CSMD1: variants seen among roughly 807,000 people sequenced by gnomAD.
The protein encoded by CSMD1 is CUB and Sushi multiple domains 1.
A neutral mutation model predicts 417.5 loss-of-function variants in CSMD1; 213 were observed. The ratio of observed to expected loss-of-function variants is 0.51; its 90% CI spans 0.46 to 0.57. The LOEUF (loss-of-function observed/expected upper bound fraction) is 0.57, where lower values mean the gene tolerates loss of function less well. Ranked by LOEUF, CSMD1 falls within the 20% of genes least tolerant of loss-of-function variation. The pLI, the probability that CSMD1 is intolerant of heterozygous loss-of-function variation, is 0.00. For missense variants in CSMD1, 6,923 were observed against 4,529.7 expected, an observed-to-expected ratio of 1.53 and a Z score of -15.17; for synonymous variants, 2,862 against 1,736.8, an observed-to-expected ratio of 1.65 and a Z score of -16.11.
intron 5 of CSMD1, among the ~76,000 whole-genome samples, chr8:3,933,094 T>C (rs1476861292): frequency 1.3e-5 from 2 of 149,842 alleles, no homozygotes; most frequent in African/African-American, 2.5e-5. Context: ...AACAACATTA[T>C]TTTCCTCTTT....
At chr8:4,437,298 A>G (rs960852045) in intron 2 of CSMD1, among the ~76,000 whole-genome samples, 2 of 152,176 alleles carry the variant, frequency 1.3e-5, no homozygotes, top group African/African-American at 2.4e-5. Context: ...AAATATGATT[A>G]TTTAGTTTGA....
chr8:3,179,017 G>A (rs1457709077), intron 37 of CSMD1, among the ~76,000 whole-genome samples: 6 of 147,420 alleles, frequency 4.1e-5, no homozygotes, highest in East Asian at 4.0e-4. Flanking sequence ...GCGCGATCTT[G>A]GCTCACTGCA....
At chr8:3,211,252 C>T (rs1467012095) in intron 30 of CSMD1, among the ~76,000 whole-genome samples, 2 of 152,092 alleles carry the variant, frequency 1.3e-5, no homozygotes, top group Admixed American at 6.6e-5. Flanking sequence ...GCTATGTTGT[C>T]CAGACTAGTC....
intron 1 of CSMD1, among the ~76,000 whole-genome samples, chr8:4,761,916 T>TATCA (rs1451081023): frequency 9.6e-5 from 12 of 125,642 alleles, no homozygotes; most frequent in Admixed American, 3.2e-4. Context: ...TCTATCAATC[T>TATCA]ATCTATCTAT....
chr8:3,119,874 T>C (rs949014674), intron 41 of CSMD1, among the ~76,000 whole-genome samples: 2 of 151,862 alleles, frequency 1.3e-5, no homozygotes, highest in African/African-American at 2.4e-5. Flanking sequence ...ACACAATGAG[T>C]TTCAAAATAG....
chr8:4,000,888 T>C (rs927122127), intron 4 of CSMD1, among the ~76,000 whole-genome samples: 1 of 152,094 alleles, frequency 6.6e-6, no homozygotes, highest in African/African-American at 2.4e-5. Context: ...CATAGATGTG[T>C]GGAATTAAAA....
intron 62 of CSMD1, among the ~76,000 whole-genome samples, chr8:2,960,195 T>C (rs1415539977): frequency 6.6e-6 from 1 of 152,248 alleles, no homozygotes; most frequent in Non-Finnish European, 1.5e-5. Context: ...AATATTTATA[T>C]ACCTGAAAGT....
chr8:3,213,770 T>G lies in CSMD1; in HGVS notation c.4867+727A>C, dbSNP rs569565735. Among the ~76,000 whole-genome samples the G allele has an allele frequency of 1.5e-4, 23 of 150,938 alleles. 1 individual carries two copies. In the South Asian group the frequency reaches 4.6e-3, roughly 30 times the overall value. On this transcript the variant is annotated intron_variant, in intron 30 of 69. Transcript: ENST00000635120. ...ATATGTGTGTGTATGTATATATATGTGTGTGTGTATGTATATATATGTATG... is the reference window on the plus strand; with the variant it reads ...ATATGTGTGTGTATGTATATATATGGGTGTGTGTATGTATATATATGTATG...
At chr8:4,881,518 A>C (rs991791563) in intron 1 of CSMD1, among the ~76,000 whole-genome samples, 1 of 133,830 alleles carries the variant, frequency 7.5e-6, no homozygotes, top group Non-Finnish European at 1.5e-5. Flanking sequence ...CTTCCAGGTC[A>C]GAAACTCGAA....
intron 3 of CSMD1, among the ~76,000 whole-genome samples, chr8:4,271,051 G>C (rs916728002): frequency 1.3e-5 from 2 of 152,186 alleles, no homozygotes; most frequent in South Asian, 2.1e-4. Flanking sequence ...AGATTTCCTA[G>C]AAGAGCTGGT....
intron 1 of CSMD1, among the ~76,000 whole-genome samples, chr8:4,906,102 T>C (rs1805255480): frequency 1.3e-5 from 2 of 152,132 alleles, no homozygotes; most frequent in Non-Finnish European, 1.5e-5. Flanking sequence ...AATCAAATTA[T>C]CCTTGTATGA....
intron 54 of CSMD1, among the ~76,000 whole-genome samples, chr8:2,984,033 A>G (rs1805645443): frequency 6.6e-6 from 1 of 152,146 alleles, no homozygotes; most frequent in African/African-American, 2.4e-5. Flanking sequence ...CAAATAGAAA[A>G]CTGTTAATTA....
intron 3 of CSMD1, among the ~76,000 whole-genome samples, chr8:4,139,927 T>C (rs1175194849): frequency 6.6e-6 from 1 of 150,448 alleles, no homozygotes; most frequent in African/African-American, 2.5e-5. Flanking sequence ...AGAGGATGGA[T>C]AAAAGGAAGT....
At chr8:3,927,500 A>G (rs1809827576) in intron 5 of CSMD1, among the ~76,000 whole-genome samples, 1 of 151,842 alleles carries the variant, frequency 6.6e-6, no homozygotes, top group African/African-American at 2.4e-5. Context: ...CCCCATCTCT[A>G]CTAAAAATAC....
At chr8:3,065,235 G>C (rs993504714) in intron 49 of CSMD1, among the ~76,000 whole-genome samples, 1 of 152,038 alleles carries the variant, frequency 6.6e-6, no homozygotes, top group South Asian at 2.1e-4. Context: ...TGATAGAGTA[G>C]ATAGAAAGAT....
At chr8:4,574,593 C>T (rs1197509173) in intron 2 of CSMD1, among the ~76,000 whole-genome samples, 1 of 152,164 alleles carries the variant, frequency 6.6e-6, no homozygotes, top group African/African-American at 2.4e-5. Context: ...GTTCCAACTG[C>T]TTTGTGTGTC....
chr8:3,567,351 C>G (rs1430733643), intron 10 of CSMD1, among the ~76,000 whole-genome samples: 1 of 151,776 alleles, frequency 6.6e-6, no homozygotes, highest in African/African-American at 2.4e-5. Context: ...TGAATCTGTA[C>G]AACAAACCAC....
At chr8:3,270,300 T>A (rs1389783005) in intron 26 of CSMD1, among the ~76,000 whole-genome samples, 1 of 152,094 alleles carries the variant, frequency 6.6e-6, no homozygotes, top group Non-Finnish European at 1.5e-5. Context: ...TTGTGATCCG[T>A]CTGCCTTGGC....
chr8:4,609,170 T>A (rs573165557), intron 2 of CSMD1, among the ~76,000 whole-genome samples: 2 of 152,258 alleles, frequency 1.3e-5, no homozygotes, highest in African/African-American at 4.8e-5. Flanking sequence ...GAGGCTGAGG[T>A]GGGCAGACTG....
Sources: allele counts gnomAD v4.1 joint callset (sites outside exome capture counted in the v4.1 genomes callset), GRCh38; gene constraint gnomAD v4.1.1; transcripts MANE v1.5; gene names NCBI Gene and HGNC (gene_info 2026-07-23, HGNC 2026-07-21).